The following CACNA2D3 variants were observed in gnomAD, a reference collection of about 807,000 sequenced individuals.
CACNA2D3 encodes the protein voltage-dependent calcium channel subunit alpha-2/delta-3.
A neutral mutation model predicts 160.6 loss-of-function variants in CACNA2D3; 60 were observed. The ratio of observed to expected loss-of-function variants is 0.37; its 90% confidence interval spans 0.30 to 0.46. CACNA2D3 has a LOEUF of 0.46. CACNA2D3 is among the 20% of genes least tolerant of loss of function. The pLI is 1.00. For missense variants in CACNA2D3, 1,205 were observed against 1,365.0 expected, an observed-to-expected ratio of 0.88 and a Z score of 1.85; for synonymous variants, 558 against 492.9, an observed-to-expected ratio of 1.13 and a Z score of -1.75.
intron 2 of CACNA2D3, among the ~76,000 whole-genome samples, chr3:54,272,510 G>A (rs929362169): frequency 6.6e-6 from 1 of 152,056 alleles, no homozygotes; most frequent in African/African-American, 2.4e-5. Flanking sequence ...GAAGGTGCAA[G>A]TGATCCCTGT....
chr3:54,256,213 A>G (rs1047117846), intron 2 of CACNA2D3, among the ~76,000 whole-genome samples: 1 of 152,292 alleles, frequency 6.6e-6, no homozygotes, highest in Non-Finnish European at 1.5e-5. Context: ...CAAAAGTGCT[A>G]TGTGAAGTCT....
At chr3:54,920,715 G>A (rs920205962) in intron 27 of CACNA2D3, among the ~76,000 whole-genome samples, 2 of 152,148 alleles carry the variant, frequency 1.3e-5, no homozygotes, top group East Asian at 1.9e-4. Context: ...AGAAGTAGTC[G>A]TGATATTTAA....
intron 5 of CACNA2D3, among the ~76,000 whole-genome samples, chr3:54,556,217 T>A (rs1341257809): frequency 6.6e-6 from 1 of 152,198 alleles, no homozygotes; most frequent in Admixed American, 6.5e-5. Flanking sequence ...CAGGCATAAT[T>A]AATTTAAGGA....
At chr3:54,465,703 A>C (rs1004639044) in intron 4 of CACNA2D3, among the ~76,000 whole-genome samples, 1 of 152,242 alleles carries the variant, frequency 6.6e-6, no homozygotes, top group Non-Finnish European at 1.5e-5. Context: ...AGAAATGGCC[A>C]AAACCGCAAT....
At chr3:54,922,429 T>C (rs1443264405) in intron 27 of CACNA2D3, among the ~76,000 whole-genome samples, 4 of 152,132 alleles carry the variant, frequency 2.6e-5, no homozygotes, top group African/African-American at 4.8e-5. Context: ...TCAAGCCACT[T>C]TACCTGTAGA....
chr3:54,655,998 T>C (rs1485282986), intron 11 of CACNA2D3, among the ~76,000 whole-genome samples: 1 of 152,208 alleles, frequency 6.6e-6, no homozygotes, highest in Non-Finnish European at 1.5e-5. Context: ...CATGTCCCCA[T>C]CTTGCAGGGT....
At chr3:55,054,398 C>G (rs1704312610) in intron 35 of CACNA2D3, among the ~76,000 whole-genome samples, 2 of 151,704 alleles carry the variant, frequency 1.3e-5, no homozygotes, top group Non-Finnish European at 2.9e-5. Flanking sequence ...GTATACTGAT[C>G]CTATCTTCTG....
At chr3:54,408,543 C>T (rs1263980857) in intron 4 of CACNA2D3, among the ~76,000 whole-genome samples, 2 of 152,122 alleles carry the variant, frequency 1.3e-5, no homozygotes, top group Non-Finnish European at 2.9e-5. Context: ...AAAAAGTAAC[C>T]TGTAGTAACC....
intron 13 of CACNA2D3, among the ~76,000 whole-genome samples, chr3:54,803,150 C>T (rs866162764): frequency 7.9e-5 from 12 of 152,174 alleles, no homozygotes; most frequent in Admixed American, 3.3e-4. Flanking sequence ...AAAAGCAGAG[C>T]GCCTCTCCTC....
chr3:54,936,531 C>T (rs1701334160), intron 27 of CACNA2D3, among the ~76,000 whole-genome samples: 1 of 152,216 alleles, frequency 6.6e-6, no homozygotes, highest in Non-Finnish European at 1.5e-5. Context: ...CTTGACTTTG[C>T]TGCAGCCTCC....
chr3:54,913,717 C>A (rs1700605014), intron 27 of CACNA2D3, among the ~76,000 whole-genome samples: 1 of 152,132 alleles, frequency 6.6e-6, no homozygotes, highest in Non-Finnish European at 1.5e-5. Flanking sequence ...AGGATCCTAA[C>A]TCTGACTTCT....
At chr3:54,387,711 C>G (rs1699213000) in intron 4 of CACNA2D3, among the ~76,000 whole-genome samples, 2 of 151,714 alleles carry the variant, frequency 1.3e-5, no homozygotes, top group African/African-American at 4.9e-5. Context: ...TTGGGTCTCC[C>G]TGAAAGAACT....
rs556110720 is a variant in CACNA2D3, at chr3:54,973,012, T to C, written c.2556+3168T>C. Among the ~76,000 whole-genome samples, 8 of 152,276 alleles carry C rather than the reference T, an allele frequency of 5.3e-5. No individual in the cohort carries two copies. The East Asian group carries it at 1.6e-3, about 30-fold the overall frequency. On this transcript the variant is annotated intron_variant, in intron 29 of 37. Coordinates refer to ENST00000474759, the MANE Select transcript of CACNA2D3 (RefSeq NM_018398.3). ...CCGGTTAGCAGGAGAGATAAACTTA[T>C]ATGATCATCAATTGTGGTAAGTCCT...
intron 35 of CACNA2D3, among the ~76,000 whole-genome samples, chr3:55,066,578 T>C (rs1455418243): frequency 6.6e-6 from 1 of 152,056 alleles, no homozygotes; most frequent in Admixed American, 6.5e-5. Flanking sequence ...AAAGCCCCTC[T>C]CGGAAGATAG....
intron 2 of CACNA2D3, among the ~76,000 whole-genome samples, chr3:54,212,843 C>T (rs1458397675): frequency 6.6e-6 from 1 of 152,152 alleles, no homozygotes; most frequent in Non-Finnish European, 1.5e-5. Context: ...CTTCAGGCTT[C>T]AGTTTCCTCA....
intron 3 of CACNA2D3, 35 bp downstream of exon 3, chr3:54,320,593 A>G: frequency 8.7e-7 from 1 of 1,146,460 alleles, no homozygotes; most frequent in Non-Finnish European, 1.2e-6. Flanking sequence ...GTATCGCCTG[A>G]AGGCACAAAG....
At chr3:54,469,307 C>G (rs147763093) in intron 4 of CACNA2D3, among the ~76,000 whole-genome samples, 30 of 152,314 alleles carry the variant, frequency 2.0e-4, no homozygotes, top group Non-Finnish European at 3.4e-4. Flanking sequence ...GCACCTCCAG[C>G]AAACTCCAGC....
At chr3:54,517,892 C>CT (rs1284489216) in intron 5 of CACNA2D3, among the ~76,000 whole-genome samples, 1 of 152,116 alleles carries the variant, frequency 6.6e-6, no homozygotes, top group African/African-American at 2.4e-5. Flanking sequence ...CCCCACTGGG[C>CT]TGAGGTACGA....
intron 4 of CACNA2D3, among the ~76,000 whole-genome samples, chr3:54,463,743 G>C (rs1212838377): frequency 6.6e-6 from 1 of 152,060 alleles, no homozygotes; most frequent in Non-Finnish European, 1.5e-5. Context: ...GGAGTAGTTT[G>C]ATCGTCTGAA....
Sources: allele counts gnomAD v4.1 joint callset (sites outside exome capture counted in the v4.1 genomes callset), GRCh38; gene constraint gnomAD v4.1.1; transcripts MANE v1.5; gene names NCBI Gene and HGNC (gene_info 2026-07-23, HGNC 2026-07-21).